DNAH8: variants seen among roughly 807,000 people sequenced by gnomAD.
The protein encoded by DNAH8 is dynein axonemal heavy chain 8, also known as axonemal beta dynein heavy chain 8.
In DNAH8, 382 loss-of-function variants were observed where a neutral mutation model predicts 562.1. The observed-to-expected ratio is 0.68, with a 90% CI of 0.63 to 0.74. The LOEUF (loss-of-function observed/expected upper bound fraction) is 0.74. DNAH8 is among the 30% of genes least tolerant of loss of function. The pLI is 0.00. For missense variants in DNAH8, 5,203 were observed against 5,620.4 expected (o/e 0.93, Z 2.37); for synonymous variants, 1,881 against 1,919.4 (o/e 0.98, Z 0.52).
At chr6:38,924,970 T>C (rs1257890552) in intron 73 of DNAH8, 1 of 152,246 alleles carries the variant, frequency 6.6e-6, no homozygotes, top group Non-Finnish European at 1.5e-5. Context: ...GCAGAGCTTC[T>C]GTTGTAATAA....
chr6:38,947,445 C>T (rs764131718), intron 80 of DNAH8, among the ~76,000 whole-genome samples: 8 of 152,340 alleles, frequency 5.3e-5, no homozygotes, highest in South Asian at 2.1e-4. Context: ...AGATGGACAT[C>T]CAGAGGCTGG....
chr6:38,926,240 A>G lies in DNAH8; in HGVS notation c.11118+30A>G, dbSNP rs1395425407. The stretch of plus-strand genomic sequence containing the variant: ...GTAGCATTTGGTGCAGGGGAAAGTA[A>G]TCTTGAAATCATGAAACTCTTTCAA... On this transcript the variant is annotated intron_variant, in intron 74 of 92. Coordinates refer to ENST00000327475, the MANE Select transcript of DNAH8 (RefSeq NM_001206927.2). The G allele has an allele frequency of 6.2e-6, 10 of 1,600,198 alleles. No homozygotes were observed. In the South Asian group the frequency reaches 9.0e-5, roughly 14 times the overall value.
At chr6:38,856,422 A>G (rs985508444) in intron 41 of DNAH8, among the ~76,000 whole-genome samples, 7 of 152,228 alleles carry the variant, frequency 4.6e-5, no homozygotes, top group Admixed American at 2.0e-4. Context: ...TTGGATAGAC[A>G]TAATTATGCA....
intron 1 of DNAH8, among the ~76,000 whole-genome samples, chr6:38,720,477 G>A (rs1179396197): frequency 6.6e-6 from 1 of 152,178 alleles, no homozygotes; most frequent in Non-Finnish European, 1.5e-5. Flanking sequence ...TGGATGGGCA[G>A]CAATCTGATT....
rs1449005613 is a variant in DNAH8, at chr6:38,853,323, A to G, written c.5709A>G (p.Pro1903=). 2.5e-6 allele frequency: 4 copies of G among 1,613,446 alleles called. No homozygotes were observed. Among genetic ancestry groups the G allele is most frequent in the Non-Finnish European group, 1.7e-6 (2 of 1,179,760 alleles). Residue 1903 remains proline (P), a synonymous_variant, in exon 41 of 93, where the codon CCA becomes CCG. Coordinates refer to ENST00000327475, the MANE Select transcript of DNAH8 (RefSeq NM_001206927.2). The part of the protein sequence containing the change: ...QISDSGFQLL[P]FLSHFPAQVG... ...GTGATTCAGGATTTCAACTCTTACC[A>G]TTCCTCAGCCACTTTCCAGCACAGG...
At chr6:39,010,824 T>C (rs368398159) in intron 89 of DNAH8, among the ~76,000 whole-genome samples, 1,443 of 37,630 alleles carry the variant, frequency 0.038, 12 homozygotes, top group African/African-American at 0.066. Context: ...CACACACGTA[T>C]GTATGTATGT....
intron 21 of DNAH8, among the ~76,000 whole-genome samples, chr6:38,800,109 A>G (rs1004244783): frequency 8.7e-5 from 13 of 148,722 alleles, no homozygotes; most frequent in African/African-American, 2.7e-4. Context: ...ATTCCATTGT[A>G]TGGTTATGCC....
At chr6:38,856,650 C>T (rs1394654339) in intron 41 of DNAH8, among the ~76,000 whole-genome samples, 1 of 152,166 alleles carries the variant, frequency 6.6e-6, no homozygotes, top group Non-Finnish European at 1.5e-5. Context: ...AGCTGCAGCC[C>T]TCAGGATTGG....
chr6:38,984,830 C>T (rs1001340480), intron 87 of DNAH8, among the ~76,000 whole-genome samples: 1 of 152,094 alleles, frequency 6.6e-6, no homozygotes, highest in African/African-American at 2.4e-5. Flanking sequence ...CAACAATCTA[C>T]TTGTGGTGCA....
At chr6:38,763,735 A>C (rs1766738142) in intron 11 of DNAH8, 1 of 157,700 alleles carries the variant, frequency 6.3e-6, no homozygotes, top group Non-Finnish European at 1.4e-5. Flanking sequence ...TGAGCCTGGG[A>C]GGCTGAGGCT....
chr6:39,019,877 T>A (rs1766795284), intron 91 of DNAH8, among the ~76,000 whole-genome samples: 1 of 152,082 alleles, frequency 6.6e-6, no homozygotes, highest in South Asian at 2.1e-4. Flanking sequence ...GCAGCAGAAA[T>A]TCCCTTAAAG....
At chr6:38,749,995 G>A (rs1396696002) in intron 8 of DNAH8, among the ~76,000 whole-genome samples, 2 of 152,188 alleles carry the variant, frequency 1.3e-5, no homozygotes, top group African/African-American at 2.4e-5. Flanking sequence ...GCCACGCCCA[G>A]CTAATTTTTT....
chr6:38,914,063 T>C lies in DNAH8; in HGVS notation c.9963+111T>C, dbSNP rs938909587. ...AGGGTATAAACCCATGGACAATTCC[T>C]GATAAGATAGTGTTCACAAAGACCA... is the stretch of plus-strand genomic sequence containing the variant. On this transcript the variant is annotated intron_variant, in intron 67 of 92. Coordinates refer to ENST00000327475, the MANE Select transcript of DNAH8 (RefSeq NM_001206927.2). The C allele has an allele frequency of 4.0e-6, 3 of 755,204 alleles. No individual in the cohort carries two copies. The Admixed American group carries it at 6.7e-5, about 17-fold the overall frequency. 46.8% of individuals were successfully genotyped at this position (755,204 alleles called of 1,614,324 possible).
intron 21 of DNAH8, among the ~76,000 whole-genome samples, chr6:38,797,885 T>C (rs4714184): frequency 0.35 from 52,912 of 151,958 alleles, 9,747 homozygotes; most frequent in East Asian, 0.54. Flanking sequence ...TTTTTTCTCT[T>C]AGTCGGTGTC....
chr6:38,922,949 T>C, intron 71 of DNAH8, 109 bp from the exon 72 acceptor site: 1 of 1,148,262 alleles, frequency 8.7e-7, no homozygotes, highest in Non-Finnish European at 1.2e-6. Flanking sequence ...GGTTATATTA[T>C]TTTGCAAAGT....
chr6:38,763,652 A>G (rs1766730503), intron 11 of DNAH8: 1 of 174,136 alleles, frequency 5.7e-6, no homozygotes, highest in South Asian at 1.5e-4. Flanking sequence ...TGTCTCTACA[A>G]AAAACTTAGC....
intron 75 of DNAH8, among the ~76,000 whole-genome samples, chr6:38,930,418 A>T (rs200994545): frequency 7.9e-6 from 1 of 127,132 alleles, no homozygotes; most frequent in East Asian, 3.7e-4. Context: ...TTTCTCATTA[A>T]ATAAAGACAG....
At chr6:38,915,655 G>A (rs955441686) in intron 68 of DNAH8, among the ~76,000 whole-genome samples, 2 of 152,064 alleles carry the variant, frequency 1.3e-5, no homozygotes, top group Non-Finnish European at 2.9e-5. Flanking sequence ...TTCAGATTAC[G>A]CAGAGAGCCT....
chr6:38,951,714 G>T (rs575046324), intron 82 of DNAH8, among the ~76,000 whole-genome samples, 194 bp downstream of exon 82: 2 of 152,178 alleles, frequency 1.3e-5, no homozygotes, highest in African/African-American at 4.8e-5. Context: ...GTTTAGAGAA[G>T]AACATGCTCA....
Sources: allele counts gnomAD v4.1 joint callset (sites outside exome capture counted in the v4.1 genomes callset), GRCh38; gene constraint gnomAD v4.1.1; transcripts MANE v1.5; gene names NCBI Gene and HGNC (gene_info 2026-07-23, HGNC 2026-07-21).